Variants in BRIP1 observed in about 807,000 individuals in gnomAD.
BRIP1 encodes Fanconi anemia group J protein.
A neutral mutation model predicts 119.7 loss-of-function variants in BRIP1; 88 were observed. The ratio of observed to expected loss-of-function variants is 0.74; its 90% CI spans 0.62 to 0.88. The LOEUF (loss-of-function observed/expected upper bound fraction) is 0.88. BRIP1 is among the 40% of genes least tolerant of loss of function. BRIP1 has a pLI of 0.00. For synonymous variants in BRIP1, 443 were observed against 496.5 expected (o/e 0.89, Z 1.43); for missense variants, 1,259 against 1,455.4 (o/e 0.87, Z 2.20).
At chr17:61,833,594 C>A (rs1204527187) in intron 6 of BRIP1, among the ~76,000 whole-genome samples, 1 of 151,760 alleles carries the variant, frequency 6.6e-6, no homozygotes. Context: ...TTGCTTGAAC[C>A]CAGGAGGTGG....
rs8074279 is a variant in BRIP1 at position 61,717,266 on chromosome 17, T to C, written c.2380-1203A>G. ...TCTATGTATTTTATTCAGATTTCTG[T>C]TTTGTCCCAAAAGATTATCTTTTAA... On this transcript the variant is annotated intron_variant, in intron 16 of 19. Coordinates refer to ENST00000259008, the MANE Select transcript of BRIP1 (RefSeq NM_032043.3). This position sits in a 1 kb window ranked among gnomAD's most constrained non-coding sequence, Gnocchi z 4.1. Among the ~76,000 whole-genome samples, 90,640 of 151,822 alleles carry C rather than the reference T, an allele frequency of 0.6. 28,207 individuals carry two copies. The highest frequency in any genetic ancestry group is 0.69 in the Non-Finnish European group (46,850 of 67,844).
chr17:61,698,669 T>C (rs1379009671), intron 17 of BRIP1, among the ~76,000 whole-genome samples: 1 of 152,102 alleles, frequency 6.6e-6, no homozygotes, highest in Non-Finnish European at 1.5e-5. Context: ...GTTAACTTTG[T>C]ATGTTTATAA....
In BRIP1 at chr17:61,725,482, A is replaced by G. The variant is rs946000061; in HGVS notation, c.2380-9419T>C. 6.6e-6 allele frequency among the ~76,000 whole-genome samples: 1 copy of G among 152,172 alleles called. No homozygotes were observed. The highest frequency in any genetic ancestry group is 1.5e-5 in the Non-Finnish European group (1 of 68,042). Reference sequence around the variant, plus strand: ...AATAGAACAAAATATATCCCTCTGAAATCAGGTATCTCCTCTTCTCAACAT... The same window carrying G: ...AATAGAACAAAATATATCCCTCTGAGATCAGGTATCTCCTCTTCTCAACAT... On this transcript the variant is annotated intron_variant, in intron 16 of 19. Coordinates refer to ENST00000259008, the MANE Select transcript of BRIP1 (RefSeq NM_032043.3). This position sits in a 1 kb window ranked among gnomAD's most constrained non-coding sequence, Gnocchi z 5.3.
At chr17:61,772,007 C>T (rs945115148) in intron 14 of BRIP1, among the ~76,000 whole-genome samples, 10 of 151,594 alleles carry the variant, frequency 6.6e-5, no homozygotes, top group Non-Finnish European at 1.3e-4. Flanking sequence ...CCAGAAATTA[C>T]ATTTCTAGGT....
In BRIP1 at chr17:61,816,947, GAA is replaced by G. The variant is rs919973687; in HGVS notation, c.628-8192_628-8191del. Among the ~76,000 whole-genome samples, 1 of 152,166 alleles carries G rather than the reference GAA, an allele frequency of 6.6e-6. No individual in the cohort carries two copies. Among genetic ancestry groups the G allele is most frequent in the African/African-American group, 2.4e-5 (1 of 41,434 alleles). On this transcript the variant is annotated intron_variant, in intron 6 of 19. Coordinates refer to ENST00000259008, the MANE Select transcript of BRIP1 (RefSeq NM_032043.3). The surrounding 1 kb of genome is among the most constrained non-coding windows in gnomAD (Gnocchi z 5.0). The stretch of plus-strand genomic sequence containing the variant: ...TAAATGGATGCTGAAATCTTTCAGT[GAA>G]AAGTTATTAGGGAACAGAATATTGA...
rs2078031057 is a variant in BRIP1, at chr17:61,803,760, CTAG to C, written c.919-2289_919-2287del. ...ATATTTTTAGTAGAAGTATAAAATT[CTAG>C]TAGTAGAAGTACATAGGCAATTTGT... On this transcript the variant is annotated intron_variant, in intron 7 of 19. Transcript: ENST00000259008. This position sits in a 1 kb window ranked among gnomAD's most constrained non-coding sequence, Gnocchi z 4.3. Among the ~76,000 whole-genome samples the C allele has an allele frequency of 1.3e-5, 2 of 152,084 alleles. No individual in the cohort carries two copies. The highest frequency in any genetic ancestry group is 1.9e-4 in the East Asian group (1 of 5,184).
chr17:61,860,516 T>C lies in BRIP1; in HGVS notation c.94-609A>G, dbSNP rs1047763295. Among the ~76,000 whole-genome samples, 1 of 152,020 alleles carries C rather than the reference T, an allele frequency of 6.6e-6. No individual in the cohort carries two copies. Among genetic ancestry groups the C allele is most frequent in the African/African-American group, 2.4e-5 (1 of 41,408 alleles). Reference sequence around the variant, plus strand: ...CTCTACTAAAAATCCAAAAATTAGCTGGGCGTGGTGGCGCATCCCTGTAAT... The same window carrying C: ...CTCTACTAAAAATCCAAAAATTAGCCGGGCGTGGTGGCGCATCCCTGTAAT... On this transcript the variant is annotated intron_variant, in intron 2 of 19. Coordinates refer to ENST00000259008, the MANE Select transcript of BRIP1 (RefSeq NM_032043.3). This position sits in a 1 kb window ranked among gnomAD's most constrained non-coding sequence, Gnocchi z 4.1.
At chr17:61,771,969 G>T (rs1007998989) in intron 14 of BRIP1, among the ~76,000 whole-genome samples, 1 of 151,592 alleles carries the variant, frequency 6.6e-6, no homozygotes, top group Admixed American at 6.6e-5. Flanking sequence ...CTCAAAAAAA[G>T]AAGTTACATT....
In BRIP1 at chr17:61,851,798, G is replaced by A. The variant is rs1603363904; in HGVS notation, c.380-2542C>T. Among the ~76,000 whole-genome samples, 1 of 152,122 alleles carries A rather than the reference G, an allele frequency of 6.6e-6. No homozygotes were observed. Among genetic ancestry groups the A allele is most frequent in the East Asian group, 1.9e-4 (1 of 5,192 alleles). ...AGATAGGTAATTTTGAGCTCTGCAT[G>A]TCCAGGCAACCAGTAAAATAACCAC... On this transcript the variant is annotated intron_variant, in intron 4 of 19. Transcript: ENST00000259008. The surrounding 1 kb of genome is among the most constrained non-coding windows in gnomAD (Gnocchi z 4.6).
chr17:61,840,368 AAAAAAAAG>A (rs937525251), intron 6 of BRIP1, among the ~76,000 whole-genome samples: 3 of 151,626 alleles, frequency 2.0e-5, no homozygotes, highest in Non-Finnish European at 4.4e-5. Flanking sequence ...AAAAAAAAAA[AAAAAAAAG>A]AAAAGGAATT....
In BRIP1 at chr17:61,861,860, T is replaced by C. The variant is rs1041651419; in HGVS notation, c.-30-291A>G. On this transcript the variant is annotated intron_variant, in intron 1 of 19. Transcript: ENST00000259008. This position sits in a 1 kb window ranked among gnomAD's most constrained non-coding sequence, Gnocchi z 4.5. ...CAGTGACTGCATGTACCCCATAGGA[T>C]TGTGGTAATGATTAAGTGAAATAAT... is the stretch of plus-strand genomic sequence containing the variant. 7.7e-5 allele frequency: 33 copies of C among 428,858 alleles called. No individual in the cohort carries two copies. Among genetic ancestry groups the C allele is most frequent in the Non-Finnish European group, 3.0e-5 (7 of 231,618 alleles). The allele number at this position is 428,858 out of a possible 1,614,324, so 26.6% of individuals were successfully genotyped here.
chr17:61,726,947 C>T lies in BRIP1; in HGVS notation c.2380-10884G>A, dbSNP rs2076772983. Among the ~76,000 whole-genome samples, 1 of 151,926 alleles carries T rather than the reference C, an allele frequency of 6.6e-6. No homozygotes were observed. Among genetic ancestry groups the T allele is most frequent in the African/African-American group, 2.4e-5 (1 of 41,344 alleles). ...TCTTGTTAAAGTCACATATGAGAGC[C>T]CGATAACTGTGAATAAACTTTTGCT... On this transcript the variant is annotated intron_variant, in intron 16 of 19. Coordinates refer to ENST00000259008, the MANE Select transcript of BRIP1 (RefSeq NM_032043.3). The surrounding 1 kb of genome is among the most constrained non-coding windows in gnomAD (Gnocchi z 6.2).
intron 11 of BRIP1, among the ~76,000 whole-genome samples, chr17:61,783,098 C>T (rs969386053): frequency 6.6e-6 from 1 of 152,090 alleles, no homozygotes; most frequent in African/African-American, 2.4e-5. Context: ...TGTACACCAA[C>T]GTTCATAGTA....
intron 17 of BRIP1, among the ~76,000 whole-genome samples, chr17:61,711,364 T>G (rs957002708): frequency 3.9e-5 from 6 of 151,990 alleles, no homozygotes; most frequent in African/African-American, 1.5e-4. Context: ...CCCTAGAAAC[T>G]ATTAGCTGAA....
rs2076906778 is a variant in BRIP1, at chr17:61,735,636, A to C, written c.2379+7377T>G. Among the ~76,000 whole-genome samples the C allele has an allele frequency of 6.6e-6, 1 of 151,614 alleles. No homozygotes were observed. The highest frequency in any genetic ancestry group is 1.5e-5 in the Non-Finnish European group (1 of 67,962). On this transcript the variant is annotated intron_variant, in intron 16 of 19. Transcript: ENST00000259008. The surrounding 1 kb of genome is among the most constrained non-coding windows in gnomAD (Gnocchi z 4.4). ...AGATCCTGCCTCTACAAAAAAAAAA[A>C]AACCACGTTTAAAAATTAGCTGGGT...
At chr17:61,721,435 A>C (rs551509123) in intron 16 of BRIP1, among the ~76,000 whole-genome samples, 29 of 151,776 alleles carry the variant, frequency 1.9e-4, no homozygotes, top group African/African-American at 7.0e-4. Context: ...ACGCCCAGCT[A>C]ATTTTTTGTA....
At chr17:61,749,866 A>T (rs2144747898) in intron 14 of BRIP1, among the ~76,000 whole-genome samples, 1 of 152,344 alleles carries the variant, frequency 6.6e-6, no homozygotes, top group South Asian at 2.1e-4. Context: ...ATAGAAATAC[A>T]ACTCATTTTT....
chr17:61,704,221 G>A lies in BRIP1; in HGVS notation c.2493-10709C>T, dbSNP rs2061657690. Among the ~76,000 whole-genome samples the A allele has an allele frequency of 6.6e-6, 1 of 151,900 alleles. No homozygotes were observed. The highest frequency in any genetic ancestry group is 2.1e-4 in the South Asian group (1 of 4,814). On this transcript the variant is annotated intron_variant, in intron 17 of 19. Transcript: ENST00000259008. The surrounding 1 kb of genome is among the most constrained non-coding windows in gnomAD (Gnocchi z 5.7). ...GCAGTTTTATTTTTAGGCTCTTATA[G>A]TTTTCTTTTTTCCCCCTTTTCCTTT...
Position 61,730,481 on chromosome 17 carries a change from C to T in BRIP1, c.2379+12532G>A, listed in dbSNP as rs779484339. Among the ~76,000 whole-genome samples, 1 of 152,142 alleles carries T rather than the reference C, an allele frequency of 6.6e-6. No homozygotes were observed. The highest frequency in any genetic ancestry group is 1.5e-5 in the Non-Finnish European group (1 of 68,036). ...CATGCCAACATAAGTAGGTAAGTGT[C>T]AATCAACCTTACAAGTCCTCAGGGT... On this transcript the variant is annotated intron_variant, in intron 16 of 19. Coordinates refer to ENST00000259008, the MANE Select transcript of BRIP1 (RefSeq NM_032043.3). The surrounding 1 kb of genome is among the most constrained non-coding windows in gnomAD (Gnocchi z 4.3).
Sources: allele counts gnomAD v4.1 joint callset (sites outside exome capture counted in the v4.1 genomes callset), GRCh38; gene constraint gnomAD v4.1.1; non-coding constraint Gnocchi (gnomAD v3.1); transcripts MANE v1.5; gene names NCBI Gene and HGNC (gene_info 2026-07-23, HGNC 2026-07-21).